MBD2: variants seen among roughly 807,000 people sequenced by gnomAD.
MBD2 encodes the protein methyl-CpG binding domain protein 2.
In MBD2, 9 loss-of-function variants were observed where a neutral mutation model predicts 39.3. That is an observed-to-expected ratio of 0.23 (90% CI 0.14 to 0.40). The LOEUF (loss-of-function observed/expected upper bound fraction) is 0.40. Among genes scored for constraint, MBD2 ranks in the 10% least tolerant of loss-of-function variants. The probability of loss-of-function intolerance (pLI) is 1.00; values close to 1 mark genes in which losing one functional copy is unlikely to be tolerated. For synonymous variants in MBD2, 233 were observed against 211.1 expected (o/e 1.10, Z -0.90); for missense variants, 458 against 532.6 (o/e 0.86, Z 1.38).
chr18:54,202,889 G>A, intron 2 of MBD2: 1 of 1,201,094 alleles, frequency 8.3e-7, no homozygotes, highest in Non-Finnish European at 1.2e-6. Context: ...AAAGCACCAG[G>A]GAAGCATTAT....
At chr18:54,208,024 C>G (rs921855139) in intron 1 of MBD2, among the ~76,000 whole-genome samples, 5 of 150,220 alleles carry the variant, frequency 3.3e-5, no homozygotes, top group East Asian at 4.0e-4. Context: ...GGCGACAGAT[C>G]GAGAGTCTGT....
chr18:54,223,900 C>A, intron 1 of MBD2, 118 bp downstream of exon 1: 1 of 830,942 alleles, frequency 1.2e-6, no homozygotes, highest in Non-Finnish European at 1.8e-6. Flanking sequence ...CACCACCAAA[C>A]CAGCCTGTCC....
intron 3 of MBD2, among the ~76,000 whole-genome samples, chr18:54,175,404 G>T (rs796929919): frequency 7.9e-5 from 12 of 152,208 alleles, no homozygotes; most frequent in Non-Finnish European, 1.8e-4. Context: ...CTATTTTAGA[G>T]AAATAAGAAT....
intron 1 of MBD2, among the ~76,000 whole-genome samples, chr18:54,211,861 CT>C (rs543540671): frequency 1.2e-3 from 180 of 145,780 alleles, no homozygotes; most frequent in Non-Finnish European, 1.2e-3. Flanking sequence ...CTATGGCCTC[CT>C]TTTTTTTTTT....
chr18:54,174,010 G>A (rs1464780164), intron 3 of MBD2, among the ~76,000 whole-genome samples: 1 of 152,126 alleles, frequency 6.6e-6, no homozygotes, highest in East Asian at 1.9e-4. Context: ...AGAGAATCAG[G>A]GAACACAGAC....
intron 2 of MBD2, among the ~76,000 whole-genome samples, chr18:54,195,321 A>G (rs1568087223): frequency 6.6e-6 from 1 of 152,116 alleles, no homozygotes; most frequent in Non-Finnish European, 1.5e-5. Flanking sequence ...TTTTATCTTT[A>G]AAATTCACAC....
chr18:54,178,880 A>G (rs2086230014), intron 3 of MBD2, among the ~76,000 whole-genome samples: 1 of 152,212 alleles, frequency 6.6e-6, no homozygotes, highest in Non-Finnish European at 1.5e-5. Context: ...ATCTTTTGCC[A>G]CTAACTTTGA....
intron 2 of MBD2, among the ~76,000 whole-genome samples, chr18:54,194,393 T>C (rs1380723439): frequency 6.6e-6 from 1 of 152,036 alleles, no homozygotes; most frequent in African/African-American, 2.4e-5. Flanking sequence ...CCTGATAATC[T>C]TTCACTGATC....
At chr18:54,216,234 A>G (rs2086560120) in intron 1 of MBD2, among the ~76,000 whole-genome samples, 1 of 152,158 alleles carries the variant, frequency 6.6e-6, no homozygotes, top group Non-Finnish European at 1.5e-5. Context: ...CTACACACAC[A>G]CAAGTTTGAG....
intron 6 of MBD2, among the ~76,000 whole-genome samples, chr18:54,157,831 C>G (rs1292817481): frequency 6.6e-6 from 1 of 152,212 alleles, no homozygotes; most frequent in Non-Finnish European, 1.5e-5. Context: ...ATCCTCGCCA[C>G]TCTCTCACCC....
At chr18:54,212,638 T>G (rs1377826523) in intron 1 of MBD2, among the ~76,000 whole-genome samples, 1 of 151,676 alleles carries the variant, frequency 6.6e-6, no homozygotes, top group Non-Finnish European at 1.5e-5. Context: ...TTCTCTATTT[T>G]GTTTAAACAT....
In MBD2 at chr18:54,159,786, A is replaced by G. The variant is rs753256663; in HGVS notation, c.1227T>C (p.Asp409=). 2.5e-6 allele frequency: 4 copies of G among 1,610,550 alleles called. 1 individual carries two copies. The South Asian group carries it at 4.4e-5, about 18-fold the overall frequency. Residue 409 remains aspartate, a synonymous_variant, in exon 6 of 7, where the codon GAT becomes GAC. Coordinates refer to ENST00000256429, the MANE Select transcript of MBD2 (RefSeq NM_003927.5). ...TTACCTGATCATATTCTTAGGCTTCATCTCCACTGTCCATTTCAATATCCA... is the reference window on the plus strand; with the variant it reads ...TTACCTGATCATATTCTTAGGCTTCGTCTCCACTGTCCATTTCAATATCCA... ...EEMDIEMDSG[D]EA
rs900176596 is a variant in MBD2, at chr18:54,154,352, T to C, written c.*972A>G. The C allele has an allele frequency of 3.3e-5, 5 of 152,194 alleles. No homozygotes were observed. The highest frequency in any genetic ancestry group is 9.6e-5 in the African/African-American group (4 of 41,458). 9.4% of individuals were successfully genotyped at this position (152,194 alleles called of 1,614,324 possible). A position where few individuals can be genotyped will look rare whatever the true frequency, so the allele number is the denominator to read the frequency against. The stretch of plus-strand genomic sequence containing the variant: ...CAGGCCAGGTACAGGTAATGGTTTG[T>C]AAAGTATTACAAACCCTTTCATTAA... On this transcript the variant is annotated 3_prime_UTR_variant, in exon 7 of 7. Coordinates refer to ENST00000256429, the MANE Select transcript of MBD2 (RefSeq NM_003927.5).
intron 1 of MBD2, among the ~76,000 whole-genome samples, chr18:54,207,389 T>G (rs928473700): frequency 6.6e-6 from 1 of 152,232 alleles, no homozygotes; most frequent in Non-Finnish European, 1.5e-5. Context: ...AATAATCTAC[T>G]ACCACTCGAA....
At chr18:54,219,564 T>C (rs1240376955) in intron 1 of MBD2, among the ~76,000 whole-genome samples, 1 of 152,218 alleles carries the variant, frequency 6.6e-6, no homozygotes, top group African/African-American at 2.4e-5. Flanking sequence ...AGGCTTTTTA[T>C]TGGAATCCAA....
At chr18:54,190,837 T>A (rs971780431) in intron 2 of MBD2, among the ~76,000 whole-genome samples, 3 of 152,224 alleles carry the variant, frequency 2.0e-5, no homozygotes, top group Non-Finnish European at 4.4e-5. Context: ...TAAAGCCATA[T>A]AACTTATTTA....
chr18:54,165,951 A>C, intron 4 of MBD2, 125 bp downstream of exon 4: 1 of 622,640 alleles, frequency 1.6e-6, no homozygotes, highest in Non-Finnish European at 2.9e-6. Context: ...GTCATCCAGC[A>C]AGGCATATGA....
At chr18:54,200,063 T>C (rs933594776) in intron 2 of MBD2, among the ~76,000 whole-genome samples, 1 of 152,192 alleles carries the variant, frequency 6.6e-6, no homozygotes, top group African/African-American at 2.4e-5. Flanking sequence ...AAAAACATAC[T>C]ACCACCTTAA....
chr18:54,205,888 A>C (rs2926997), intron 1 of MBD2, among the ~76,000 whole-genome samples: 5,786 of 152,076 alleles, frequency 0.038, 354 homozygotes, highest in African/African-American at 0.13. Context: ...CAACTACGCC[A>C]GCAATAATCA....
Sources: allele counts gnomAD v4.1 joint callset (sites outside exome capture counted in the v4.1 genomes callset), GRCh38; gene constraint gnomAD v4.1.1; transcripts MANE v1.5; gene names NCBI Gene and HGNC (gene_info 2026-07-23, HGNC 2026-07-21).